The following KCND2 variants were observed in gnomAD, a reference collection of about 807,000 sequenced individuals.
KCND2 encodes the protein potassium voltage-gated channel subfamily D member 2, also known as A-type voltage-gated potassium channel KCND2.
Under a neutral mutation model 54.4 loss-of-function variants are expected in KCND2, and 16 were observed. That is an observed-to-expected ratio of 0.29 (90% CI 0.20 to 0.45). The LOEUF (loss-of-function observed/expected upper bound fraction) is 0.45. Among genes scored for constraint, KCND2 ranks in the 20% least tolerant of loss-of-function variants. KCND2 has a pLI of 1.00. For synonymous variants in KCND2, 317 were observed against 310.7 expected, an observed-to-expected ratio of 1.02 and a Z score of -0.21; for missense variants, 486 against 824.2, an observed-to-expected ratio of 0.59 and a Z score of 5.02.
intron 1 of KCND2, among the ~76,000 whole-genome samples, chr7:120,543,281 T>G (rs963893733): frequency 6.6e-6 from 1 of 151,954 alleles, no homozygotes; most frequent in Non-Finnish European, 1.5e-5. Context: ...TCCAGTTTTA[T>G]GACCTCCAGG....
intron 1 of KCND2, among the ~76,000 whole-genome samples, chr7:120,591,908 A>G (rs993057994): frequency 2.6e-5 from 4 of 152,246 alleles, no homozygotes; most frequent in African/African-American, 9.6e-5. Context: ...TCATTAAGTA[A>G]AAAATATGTA....
At chr7:120,603,361 C>G (rs1340031017) in intron 1 of KCND2, among the ~76,000 whole-genome samples, 1 of 152,162 alleles carries the variant, frequency 6.6e-6, no homozygotes, top group Non-Finnish European at 1.5e-5. Context: ...TCAAATCCCC[C>G]AAGTGGGCTG....
intron 1 of KCND2, among the ~76,000 whole-genome samples, chr7:120,385,021 T>TTTC (rs1436971694): frequency 6.8e-6 from 1 of 147,588 alleles, no homozygotes; most frequent in Non-Finnish European, 1.5e-5. Context: ...TTTTTTTTTT[T>TTTC]TCTGAGACAG....
At chr7:120,731,027 G>A (rs1029934988) in intron 1 of KCND2, among the ~76,000 whole-genome samples, 1 of 152,142 alleles carries the variant, frequency 6.6e-6, no homozygotes, top group African/African-American at 2.4e-5. Context: ...AGTAGTTGGA[G>A]CTCAGACACA....
chr7:120,574,684 AT>A (rs1033663730), intron 1 of KCND2, among the ~76,000 whole-genome samples: 1 of 151,960 alleles, frequency 6.6e-6, no homozygotes, highest in East Asian at 1.9e-4. Flanking sequence ...GGGCGTTGGA[AT>A]TTTTATAGCT....
intron 1 of KCND2, among the ~76,000 whole-genome samples, chr7:120,648,004 C>T (rs1793463641): frequency 1.3e-5 from 2 of 152,044 alleles, no homozygotes; most frequent in South Asian, 2.1e-4. Flanking sequence ...TTAGCAATTG[C>T]AATTAGTTAG....
rs200310499 is a variant in KCND2, at chr7:120,578,439, T to C, written c.1116-154464T>C. Among the ~76,000 whole-genome samples, 3 of 152,318 alleles carry C rather than the reference T, an allele frequency of 2.0e-5. No individual in the cohort carries two copies. The East Asian group carries it at 5.8e-4, about 29-fold the overall frequency. ...GCACATTAAAACCTATCACTTCTGG[T>C]TGCCCCATGAGTTCATGAGTCTACC... On this transcript the variant is annotated intron_variant, in intron 1 of 5. Coordinates refer to ENST00000331113, the MANE Select transcript of KCND2 (RefSeq NM_012281.3).
rs5886996 is a variant in KCND2, at chr7:120,608,016, G to GT, written c.1116-124875dup. ...CAATGCCAGCCTAAGGAATGTGACT[G>GT]TTTTTTTTTTTTCTGTAGGTGGTAT... is the stretch of plus-strand genomic sequence containing the variant. On this transcript the variant is annotated intron_variant, in intron 1 of 5. Transcript: ENST00000331113. Among the ~76,000 whole-genome samples, 1,239 of 147,864 alleles carry GT rather than the reference G, an allele frequency of 8.4e-3. 17 individuals carry two copies. The highest frequency in any genetic ancestry group is 0.029 in the African/African-American group (1,173 of 40,690).
intron 1 of KCND2, among the ~76,000 whole-genome samples, chr7:120,397,080 T>A (rs1470973965): frequency 6.6e-6 from 1 of 152,018 alleles, no homozygotes. Context: ...AGGCCCTATA[T>A]CTATGAACAG....
chr7:120,463,145 C>T (rs1157669811), intron 1 of KCND2, among the ~76,000 whole-genome samples: 1 of 151,848 alleles, frequency 6.6e-6, no homozygotes, highest in Non-Finnish European at 1.5e-5. Context: ...TGTATTCTTC[C>T]CCCGCCCTTA....
chr7:120,480,418 A>G (rs1187883418), intron 1 of KCND2, among the ~76,000 whole-genome samples: 1 of 152,212 alleles, frequency 6.6e-6, no homozygotes, highest in African/African-American at 2.4e-5. Flanking sequence ...GTTTAAACTG[A>G]TGAGATTACC....
chr7:120,351,194 T>C (rs886285420), intron 1 of KCND2, among the ~76,000 whole-genome samples: 3 of 148,694 alleles, frequency 2.0e-5, no homozygotes, highest in Non-Finnish European at 3.0e-5. Flanking sequence ...AATTATATTT[T>C]ATATTTTATA....
chr7:120,347,438 G>C (rs970039171), intron 1 of KCND2, among the ~76,000 whole-genome samples: 1 of 152,100 alleles, frequency 6.6e-6, no homozygotes, highest in Non-Finnish European at 1.5e-5. Context: ...TCTCAAGAAG[G>C]AAGCGCTCAT....
intron 1 of KCND2, among the ~76,000 whole-genome samples, chr7:120,537,914 G>T (rs896775548): frequency 1.3e-5 from 2 of 152,146 alleles, no homozygotes; most frequent in African/African-American, 2.4e-5. Flanking sequence ...CAGCAGTAAG[G>T]CTGTTTCACT....
intron 1 of KCND2, among the ~76,000 whole-genome samples, chr7:120,283,400 T>C (rs540865784): frequency 1.2e-3 from 181 of 152,310 alleles, no homozygotes; most frequent in Non-Finnish European, 2.2e-3. Context: ...GAGCAAATGC[T>C]CTAAAACATT....
At chr7:120,295,681 T>A (rs1035785079) in intron 1 of KCND2, among the ~76,000 whole-genome samples, 1 of 151,996 alleles carries the variant, frequency 6.6e-6, no homozygotes, top group East Asian at 1.9e-4. Flanking sequence ...CAAATACCTG[T>A]TATTATGTGT....
chr7:120,555,214 T>C (rs1202519552), intron 1 of KCND2, among the ~76,000 whole-genome samples: 1 of 152,202 alleles, frequency 6.6e-6, no homozygotes, highest in African/African-American at 2.4e-5. Context: ...TTTTATAAAC[T>C]AAACTCATAG....
chr7:120,493,218 A>T (rs1317997808), intron 1 of KCND2, among the ~76,000 whole-genome samples: 1 of 151,088 alleles, frequency 6.6e-6, no homozygotes, highest in Non-Finnish European at 1.5e-5. Flanking sequence ...ATATATATAT[A>T]TATCTCCTAA....
At chr7:120,312,276 G>A (rs1799746143) in intron 1 of KCND2, among the ~76,000 whole-genome samples, 2 of 152,026 alleles carry the variant, frequency 1.3e-5, no homozygotes, top group South Asian at 4.1e-4. Context: ...TCTTTATCCA[G>A]TGTGTCATTA....
Sources: allele counts gnomAD v4.1 joint callset (sites outside exome capture counted in the v4.1 genomes callset), GRCh38; gene constraint gnomAD v4.1.1; transcripts MANE v1.5; gene names NCBI Gene and HGNC (gene_info 2026-07-23, HGNC 2026-07-21).